Variants in GRID2 observed in about 807,000 individuals in gnomAD.
GRID2 encodes glutamate receptor ionotropic, delta-2.
Under a neutral mutation model 114.8 loss-of-function variants are expected in GRID2, and 33 were observed. The ratio of observed to expected loss-of-function variants is 0.29; its 90% CI spans 0.22 to 0.38. The LOEUF is 0.38. Ranked by LOEUF, GRID2 falls within the 10% of genes least tolerant of loss-of-function variation. GRID2 has a pLI of 1.00. For missense variants in GRID2, 1,184 were observed against 1,257.7 expected, an observed-to-expected ratio of 0.94 and a Z score of 0.89; for synonymous variants, 505 against 449.9, an observed-to-expected ratio of 1.12 and a Z score of -1.55.
At chr4:93,047,116 C>T (rs1024683194) in intron 2 of GRID2, among the ~76,000 whole-genome samples, 6 of 151,734 alleles carry the variant, frequency 4.0e-5, no homozygotes, top group Non-Finnish European at 8.8e-5. Flanking sequence ...AGATTAATAC[C>T]AAAATGAAAC....
intron 3 of GRID2, among the ~76,000 whole-genome samples, chr4:93,099,403 G>C (rs1322385446): frequency 6.6e-6 from 1 of 151,538 alleles, no homozygotes; most frequent in African/African-American, 2.4e-5. Flanking sequence ...TTTTCTTATA[G>C]TTTCAGGATA....
chr4:93,119,452 T>C (rs1349377454), intron 4 of GRID2, among the ~76,000 whole-genome samples: 1 of 152,166 alleles, frequency 6.6e-6, no homozygotes. Context: ...CCATGGTCTT[T>C]AGTGTTTGGG....
intron 8 of GRID2, among the ~76,000 whole-genome samples, chr4:93,297,627 A>G (rs1341351204): frequency 6.6e-6 from 1 of 152,174 alleles, no homozygotes; most frequent in African/African-American, 2.4e-5. Flanking sequence ...CATCTGGAAA[A>G]CTGGGCTATC....
intron 1 of GRID2, among the ~76,000 whole-genome samples, chr4:92,392,728 C>G (rs1730306327): frequency 6.6e-6 from 1 of 152,002 alleles, no homozygotes; most frequent in Non-Finnish European, 1.5e-5. Flanking sequence ...AGACATCATT[C>G]AAATATTATT....
intron 1 of GRID2, among the ~76,000 whole-genome samples, chr4:93,784,178 T>A (rs1167191647): frequency 6.6e-6 from 1 of 151,736 alleles, no homozygotes; most frequent in Non-Finnish European, 1.5e-5. Context: ...CAAGACAAGT[T>A]TAAGCACATG....
At chr4:93,549,839 A>G (rs901053520) in intron 13 of GRID2, among the ~76,000 whole-genome samples, 1 of 152,178 alleles carries the variant, frequency 6.6e-6, no homozygotes, top group African/African-American at 2.4e-5. Context: ...TCCAGAAGGA[A>G]AAAATCATAA....
intron 2 of GRID2, among the ~76,000 whole-genome samples, chr4:93,054,319 A>G (rs1457833293): frequency 1.3e-5 from 2 of 148,174 alleles, no homozygotes; most frequent in African/African-American, 4.9e-5. Flanking sequence ...TTTATTTTAT[A>G]GAACTTTTGG....
chr4:92,842,508 A>C lies in GRID2; in HGVS notation c.245-242487A>C, dbSNP rs943628678. On this transcript the variant is annotated intron_variant, in intron 2 of 15. Coordinates refer to ENST00000282020, the MANE Select transcript of GRID2 (RefSeq NM_001510.4). Reference sequence around the variant, plus strand: ...TATATTTTGTGTTATTCTATTATTTAGAAATGTTTCTAAAATTTGGGAAGA... The same window carrying C: ...TATATTTTGTGTTATTCTATTATTTCGAAATGTTTCTAAAATTTGGGAAGA... 3.3e-5 allele frequency among the ~76,000 whole-genome samples: 5 copies of C among 152,172 alleles called. No individual in the cohort carries two copies. The East Asian group carries it at 9.6e-4, about 29-fold the overall frequency.
intron 2 of GRID2, among the ~76,000 whole-genome samples, chr4:92,757,467 G>T (rs2149343033): frequency 6.6e-6 from 1 of 152,164 alleles, no homozygotes; most frequent in South Asian, 2.1e-4. Flanking sequence ...GATGTCAGGG[G>T]CTGCTTTTCT....
chr4:92,537,784 GGTGTGTGTGTGT>G (rs70942907), intron 1 of GRID2, among the ~76,000 whole-genome samples: 153 of 126,006 alleles, frequency 1.2e-3, no homozygotes, highest in African/African-American at 3.2e-3. Flanking sequence ...AAAAACTTGC[GGTGTGTGTGTGT>G]GTGTGTGTGT....
At chr4:93,727,157 C>T (rs1039486734) in intron 14 of GRID2, among the ~76,000 whole-genome samples, 26 of 152,178 alleles carry the variant, frequency 1.7e-4, no homozygotes, top group Middle Eastern at 3.4e-3. Context: ...TGAGATACGT[C>T]CCATCAATAC....
intron 4 of GRID2, among the ~76,000 whole-genome samples, chr4:93,173,030 TAAC>T (rs1017228677): frequency 1.9e-3 from 283 of 152,280 alleles, no homozygotes; most frequent in Admixed American, 0.012. Flanking sequence ...TTTCTGTTCT[TAAC>T]AACATGTTTC....
At chr4:93,629,402 A>G (rs1272064779) in intron 14 of GRID2, among the ~76,000 whole-genome samples, 2 of 152,314 alleles carry the variant, frequency 1.3e-5, no homozygotes, top group African/African-American at 4.8e-5. Context: ...GGCGATCATC[A>G]GTGTGCCAGC....
intron 1 of GRID2, among the ~76,000 whole-genome samples, chr4:92,503,181 A>T (rs1406814235): frequency 6.6e-6 from 1 of 152,116 alleles, no homozygotes; most frequent in Non-Finnish European, 1.5e-5. Context: ...CATGACAATA[A>T]AAAGATAGTA....
At chr4:93,334,105 C>G (rs2163959) in intron 8 of GRID2, among the ~76,000 whole-genome samples, 37,793 of 152,060 alleles carry the variant, frequency 0.25, 7,765 homozygotes, top group African/African-American at 0.56. Flanking sequence ...CTAGGGAATT[C>G]ATAGCAAGAT....
At chr4:93,328,980 GT>G (rs1758149325) in intron 8 of GRID2, among the ~76,000 whole-genome samples, 1 of 152,088 alleles carries the variant, frequency 6.6e-6, no homozygotes, top group Admixed American at 6.6e-5. Context: ...TCTTGCTGCA[GT>G]TTTAGTACCT....
At chr4:92,869,367 ATAGTT>A (rs1399832888) in intron 2 of GRID2, among the ~76,000 whole-genome samples, 2 of 152,208 alleles carry the variant, frequency 1.3e-5, no homozygotes, top group Non-Finnish European at 2.9e-5. Flanking sequence ...AAACATTTAA[ATAGTT>A]TAAATTTCAA....
At chr4:92,638,817 A>G (rs951603366) in intron 2 of GRID2, among the ~76,000 whole-genome samples, 2 of 150,934 alleles carry the variant, frequency 1.3e-5, no homozygotes, top group Non-Finnish European at 3.0e-5. Context: ...AAAATTTAAT[A>G]TTTGTCTTTG....
chr4:92,482,234 A>C (rs2149105857), intron 1 of GRID2, among the ~76,000 whole-genome samples: 1 of 151,842 alleles, frequency 6.6e-6, no homozygotes, highest in African/African-American at 2.4e-5. Context: ...CAAATATTGC[A>C]TGTCCTCACT....
Sources: gnomAD v4.1 joint callset for allele counts (sites outside exome capture counted in the v4.1 genomes callset) on GRCh38, gnomAD v4.1.1 for gene constraint, MANE v1.5 for transcripts, NCBI Gene and HGNC (gene_info 2026-07-23, HGNC 2026-07-21) for gene names.